HTR4: variants seen among roughly 807,000 people sequenced by gnomAD.
The protein encoded by HTR4 is 5-hydroxytryptamine (serotonin) receptor 4, G protein-coupled.
A neutral mutation model predicts 36.8 loss-of-function variants in HTR4; 16 were observed. The observed-to-expected ratio is 0.43, with a 90% CI of 0.29 to 0.66. HTR4 has a LOEUF of 0.66. HTR4 is among the 30% of genes least tolerant of loss of function. The pLI is 0.13. For synonymous variants in HTR4, 189 were observed against 185.1 expected (o/e 1.02, Z -0.17); for missense variants, 438 against 490.9 (o/e 0.89, Z 1.02).
intron 6 of HTR4, among the ~76,000 whole-genome samples, chr5:148,489,103 C>T (rs1756294789): frequency 6.6e-6 from 1 of 152,050 alleles, no homozygotes; most frequent in East Asian, 1.9e-4. Flanking sequence ...TATAAAAGGA[C>T]CTAAAATATC....
intron 2 of HTR4, among the ~76,000 whole-genome samples, chr5:148,588,018 G>A (rs545733064): frequency 6.6e-6 from 1 of 152,238 alleles, no homozygotes; most frequent in Non-Finnish European, 1.5e-5. Context: ...TAGATTTGTA[G>A]CTGGATTTGG....
At chr5:148,492,878 G>C (rs1756518559) in intron 6 of HTR4, among the ~76,000 whole-genome samples, 1 of 152,164 alleles carries the variant, frequency 6.6e-6, no homozygotes, top group Non-Finnish European at 1.5e-5. Context: ...GTGCTGGGTG[G>C]GATGGCCCTT....
At chr5:148,489,585 T>A (rs906499888) in intron 6 of HTR4, among the ~76,000 whole-genome samples, 4 of 152,142 alleles carry the variant, frequency 2.6e-5, no homozygotes, top group Non-Finnish European at 4.4e-5. Flanking sequence ...GAACTGTGCC[T>A]AGAAGAATGA....
At chr5:148,591,728 T>A (rs990245747) in intron 2 of HTR4, among the ~76,000 whole-genome samples, 1 of 152,014 alleles carries the variant, frequency 6.6e-6, no homozygotes, top group Non-Finnish European at 1.5e-5. Context: ...ATTAGAGAAA[T>A]GCAAATCAAA....
At chr5:148,466,002 A>G in intron 5 of HTR4, 1 of 1,577,356 alleles carries the variant, frequency 6.3e-7, no homozygotes, top group Non-Finnish European at 8.6e-7. Context: ...GAAAAAAAAA[A>G]CATAGAGATT....
At chr5:148,463,416 G>A (rs751774469) in intron 5 of HTR4, among the ~76,000 whole-genome samples, 1 of 151,456 alleles carries the variant, frequency 6.6e-6, no homozygotes, top group Non-Finnish European at 1.5e-5. Context: ...TCCTGACCTC[G>A]TGATCCACCC....
intron 2 of HTR4, among the ~76,000 whole-genome samples, chr5:148,590,338 G>T (rs79842189): frequency 0.025 from 1,773 of 70,730 alleles, 87 homozygotes; most frequent in East Asian, 0.19. Context: ...TGCTCTTGTT[G>T]CCCAGGCTGG....
intron 2 of HTR4, chr5:148,630,084 G>A (rs933354869): frequency 1.3e-5 from 2 of 152,146 alleles, no homozygotes; most frequent in African/African-American, 4.8e-5. Flanking sequence ...TAACAGCAAG[G>A]AGGATCATGA....
At chr5:148,542,676 A>G (rs1004828303) in intron 4 of HTR4, among the ~76,000 whole-genome samples, 21 of 152,226 alleles carry the variant, frequency 1.4e-4, no homozygotes, top group African/African-American at 5.1e-4. Flanking sequence ...AATGCTAAGT[A>G]AAGGACAAAG....
intron 2 of HTR4, among the ~76,000 whole-genome samples, chr5:148,552,961 A>G (rs1194688331): frequency 6.6e-6 from 1 of 152,244 alleles, no homozygotes; most frequent in Non-Finnish European, 1.5e-5. Context: ...TTGAAAGTAT[A>G]GAGATTTCAC....
intron 1 of HTR4, among the ~76,000 whole-genome samples, chr5:148,637,864 C>T (rs1753599868): frequency 6.6e-6 from 1 of 152,112 alleles, no homozygotes; most frequent in East Asian, 1.9e-4. Context: ...CAGGGTCCGG[C>T]TGTCTCTTCT....
At chr5:148,512,360 T>C (rs1390739842) in intron 5 of HTR4, among the ~76,000 whole-genome samples, 1 of 152,232 alleles carries the variant, frequency 6.6e-6, no homozygotes, top group African/African-American at 2.4e-5. Context: ...ATAATGTTAA[T>C]CACTGTTTTG....
chr5:148,481,829 A>G lies in HTR4; in HGVS notation c.*1374T>C, dbSNP rs1465607527. ...GCAAGAGCCACTGACTCAGCTTTGA[A>G]TAAAAGACATCCAGATTAATCTGAA... On this transcript the variant is annotated 3_prime_UTR_variant, in exon 7 of 7. Transcript: ENST00000377888. 3.7e-6 allele frequency: 5 copies of G among 1,333,830 alleles called. No homozygotes were observed. The South Asian group carries it at 6.7e-5, about 18-fold the overall frequency. The allele number at this position is 1,333,830 out of a possible 1,614,324, so 82.6% of individuals were successfully genotyped here.
chr5:148,523,059 CT>C, intron 5 of HTR4, 133 bp downstream of exon 5: 1 of 851,642 alleles, frequency 1.2e-6, no homozygotes, highest in Non-Finnish European at 1.8e-6. Context: ...AAAGTGTTAG[CT>C]TTAAAAAAAA....
chr5:148,595,857 A>G (rs1296629152), intron 2 of HTR4, among the ~76,000 whole-genome samples: 1 of 152,246 alleles, frequency 6.6e-6, no homozygotes, highest in Non-Finnish European at 1.5e-5. Context: ...TTTGGGCCGC[A>G]TGAGGAGTTA....
At chr5:148,564,164 G>T (rs1248009512) in intron 2 of HTR4, among the ~76,000 whole-genome samples, 1 of 152,074 alleles carries the variant, frequency 6.6e-6, no homozygotes, top group Non-Finnish European at 1.5e-5. Flanking sequence ...CTTTATTTCT[G>T]ACACTGTTCC....
At chr5:148,528,105 T>C (rs951355492) in intron 4 of HTR4, among the ~76,000 whole-genome samples, 1 of 152,184 alleles carries the variant, frequency 6.6e-6, no homozygotes, top group African/African-American at 2.4e-5. Context: ...CTTTATCTCC[T>C]TTTTTAAAAT....
intron 2 of HTR4, among the ~76,000 whole-genome samples, chr5:148,605,131 A>T (rs1752093300): frequency 6.6e-6 from 1 of 152,098 alleles, no homozygotes; most frequent in Non-Finnish European, 1.5e-5. Flanking sequence ...ACCAGGGTCA[A>T]CTGGAAGCAG....
At chr5:148,540,599 A>T (rs1581447245) in intron 4 of HTR4, among the ~76,000 whole-genome samples, 1 of 151,734 alleles carries the variant, frequency 6.6e-6, no homozygotes, top group African/African-American at 2.4e-5. Flanking sequence ...TAATAGATTC[A>T]CCTTCAATAT....
Sources: allele counts gnomAD v4.1 joint callset (sites outside exome capture counted in the v4.1 genomes callset), GRCh38; gene constraint gnomAD v4.1.1; transcripts MANE v1.5; gene names NCBI Gene and HGNC (gene_info 2026-07-23, HGNC 2026-07-21).